JAM3: variants seen among roughly 807,000 people sequenced by gnomAD.
The protein encoded by JAM3 is junctional adhesion molecule C.
A neutral mutation model predicts 39.4 loss-of-function variants in JAM3; 31 were observed. The observed-to-expected ratio is 0.79, with a 90% CI of 0.59 to 1.06. JAM3 has a LOEUF of 1.06. Ranked by LOEUF, JAM3 falls within the 50% of genes least tolerant of loss-of-function variation. The pLI, the probability that JAM3 is intolerant of heterozygous loss-of-function variation, is 0.00. For synonymous variants in JAM3, 182 were observed against 148.7 expected, an observed-to-expected ratio of 1.22 and a Z score of -1.63; for missense variants, 455 against 391.4, an observed-to-expected ratio of 1.16 and a Z score of -1.37.
At chr11:134,080,157 A>T (rs750656457) in intron 1 of JAM3, among the ~76,000 whole-genome samples, 16 of 152,210 alleles carry the variant, frequency 1.1e-4, no homozygotes, top group Admixed American at 6.5e-5. Context: ...CACTCTGACC[A>T]TACTTGGTCT....
chr11:134,109,333 T>TA (rs913479720), intron 1 of JAM3, among the ~76,000 whole-genome samples: 6 of 152,046 alleles, frequency 3.9e-5, no homozygotes, highest in African/African-American at 9.7e-5. Flanking sequence ...AAAAAGAACT[T>TA]AAAAAAAATT....
At chr11:134,086,053 TCTC>T (rs1941741534) in intron 1 of JAM3, among the ~76,000 whole-genome samples, 1 of 152,194 alleles carries the variant, frequency 6.6e-6, no homozygotes. Flanking sequence ...GTTGTAATAA[TCTC>T]CTCACATATT....
intron 1 of JAM3, among the ~76,000 whole-genome samples, chr11:134,137,284 C>T (rs892071859): frequency 6.6e-6 from 1 of 152,226 alleles, no homozygotes; most frequent in African/African-American, 2.4e-5. Flanking sequence ...AGTTGGCCTT[C>T]ACGAAAATTA....
chr11:134,122,252 A>ATG (rs1484507607), intron 1 of JAM3, among the ~76,000 whole-genome samples: 6 of 152,190 alleles, frequency 3.9e-5, no homozygotes, highest in Non-Finnish European at 7.3e-5. Context: ...CGCTAACAAA[A>ATG]TGGGAGGCTT....
intron 1 of JAM3, among the ~76,000 whole-genome samples, chr11:134,105,781 C>A (rs560726758): frequency 1.3e-5 from 2 of 152,234 alleles, no homozygotes; most frequent in South Asian, 4.1e-4. Context: ...CCTAGGAATC[C>A]AACTTACAAG....
intron 1 of JAM3, among the ~76,000 whole-genome samples, chr11:134,107,127 A>G (rs773806687): frequency 4.7e-4 from 71 of 152,354 alleles, no homozygotes; most frequent in Non-Finnish European, 9.6e-4. Flanking sequence ...TGTGGCACAT[A>G]TACACCATGG....
intron 1 of JAM3, among the ~76,000 whole-genome samples, chr11:134,089,079 G>C (rs1310250706): frequency 1.3e-5 from 2 of 152,218 alleles, no homozygotes; most frequent in South Asian, 4.1e-4. Context: ...TTCCATGCTA[G>C]TGAAGAGCAC....
At chr11:134,136,066 C>G (rs1166421254) in intron 1 of JAM3, among the ~76,000 whole-genome samples, 6 of 151,982 alleles carry the variant, frequency 3.9e-5, no homozygotes, top group African/African-American at 1.4e-4. Flanking sequence ...GTGAAACTGT[C>G]TCAAAAAACA....
At chr11:134,129,121 T>A (rs1012862417) in intron 1 of JAM3, among the ~76,000 whole-genome samples, 1 of 132,804 alleles carries the variant, frequency 7.5e-6, no homozygotes, top group African/African-American at 3.2e-5. Flanking sequence ...CTCTTCAAGT[T>A]CTTTTTTTTT....
At position 134,115,867 on chromosome 11, in the gene JAM3, A is replaced by G. The variant is rs554982619; in HGVS notation, c.77-23984A>G. Among the ~76,000 whole-genome samples the G allele has an allele frequency of 3.9e-5, 6 of 152,326 alleles. No homozygotes were observed. In the South Asian group the frequency reaches 1.0e-3, roughly 26 times the overall value. ...AGCCATGATTGCGCCACTACACTCA[A>G]GCCTGGGTGACAGAATGAGACCATG... On this transcript the variant is annotated intron_variant, in intron 1 of 8. Transcript: ENST00000299106.
rs559024267 is a variant in JAM3, at chr11:134,095,299, C to CT, written c.76+26150dup. On this transcript the variant is annotated intron_variant, in intron 1 of 8. Transcript: ENST00000299106. Reference sequence around the variant, plus strand: ...TGTACTAATGCAAATATGGAAAACTCTTTTTTTTTTATTGGCACATGAAGT... The same window carrying CT: ...TGTACTAATGCAAATATGGAAAACTCTTTTTTTTTTTATTGGCACATGAAGT... Among the ~76,000 whole-genome samples, 205 of 147,978 alleles carry CT rather than the reference C, an allele frequency of 1.4e-3. 4 individuals carry two copies. The South Asian group carries it at 0.034, about 24-fold the overall frequency.
At position 134,069,129 on chromosome 11, in the gene JAM3, C is replaced by T. The variant is rs1591763732; in HGVS notation, c.46C>T (p.Pro16Ser). The T allele has an allele frequency of 6.2e-7, 1 of 1,612,876 alleles. No homozygotes were observed. The highest frequency in any genetic ancestry group is 8.5e-7 in the Non-Finnish European group (1 of 1,179,422). ...PPRLRLCARL[P>S]DFFLLLLFRG... is the part of the protein sequence containing the mutation. ...GCGACTCCGGCTCTGCGCTCGGCTGCCTGACTTCTTCCTGCTGCTGCTTTT... is the reference window on the plus strand; with the variant it reads ...GCGACTCCGGCTCTGCGCTCGGCTGTCTGACTTCTTCCTGCTGCTGCTTTT... Residue 16 changes from proline to serine, a missense_variant, in exon 1 of 9, where the codon CCT (proline) becomes TCT (serine). Transcript: ENST00000299106.
At chr11:134,100,961 A>G (rs1942062857) in intron 1 of JAM3, among the ~76,000 whole-genome samples, 1 of 152,192 alleles carries the variant, frequency 6.6e-6, no homozygotes, top group Non-Finnish European at 1.5e-5. Flanking sequence ...ATTTCCTGAA[A>G]TCACAGTGAT....
chr11:134,134,489 G>A (rs1471341709), intron 1 of JAM3, among the ~76,000 whole-genome samples: 2 of 150,368 alleles, frequency 1.3e-5, no homozygotes, highest in Non-Finnish European at 3.0e-5. Flanking sequence ...AGACAGAGGG[G>A]AAAAGTACCT....
At chr11:134,107,057 C>T (rs1942205719) in intron 1 of JAM3, among the ~76,000 whole-genome samples, 2 of 152,142 alleles carry the variant, frequency 1.3e-5, no homozygotes, top group Admixed American at 6.5e-5. Context: ...GCACTATTCA[C>T]AATAGCAAAG....
chr11:134,089,987 T>G (rs1941815695), intron 1 of JAM3, among the ~76,000 whole-genome samples: 2 of 152,352 alleles, frequency 1.3e-5, no homozygotes, highest in Non-Finnish European at 2.9e-5. Flanking sequence ...CCTGACTTTT[T>G]AATGATCGCC....
intron 6 of JAM3, among the ~76,000 whole-genome samples, chr11:134,146,303 C>A (rs1040129144): frequency 6.6e-6 from 1 of 152,152 alleles, no homozygotes; most frequent in African/African-American, 2.4e-5. Flanking sequence ...ACTTTCACTG[C>A]AAGTTTAGTA....
chr11:134,106,904 C>T (rs1942201917), intron 1 of JAM3, among the ~76,000 whole-genome samples: 2 of 152,130 alleles, frequency 1.3e-5, no homozygotes, highest in East Asian at 1.9e-4. Flanking sequence ...CTAGTTCAAC[C>T]GTTGTGGAAG....
intron 3 of JAM3, among the ~76,000 whole-genome samples, chr11:134,141,238 C>T (rs762080221): frequency 7.2e-5 from 11 of 152,014 alleles, no homozygotes; most frequent in South Asian, 2.1e-4. Context: ...GACATCCTCC[C>T]GGGTGGGAGG....
Sources: allele counts gnomAD v4.1 joint callset (sites outside exome capture counted in the v4.1 genomes callset), GRCh38; gene constraint gnomAD v4.1.1; transcripts MANE v1.5; gene names NCBI Gene and HGNC (gene_info 2026-07-23, HGNC 2026-07-21).